The following RASA1 variants were observed in gnomAD, a reference collection of about 807,000 sequenced individuals.
The protein encoded by RASA1 is RAS p21 protein activator 1, also known as ras GTPase-activating protein 1.
In RASA1, 25 loss-of-function variants were observed where a neutral mutation model predicts 132.2. The ratio of observed to expected loss-of-function variants is 0.19; its 90% confidence interval spans 0.14 to 0.26. RASA1 has a LOEUF of 0.26. Ranked by LOEUF, RASA1 falls within the 10% of genes least tolerant of loss-of-function variation. RASA1 has a pLI of 1.00. For synonymous variants in RASA1, 477 were observed against 449.9 expected, an observed-to-expected ratio of 1.06 and a Z score of -0.76; for missense variants, 964 against 1,299.2, an observed-to-expected ratio of 0.74 and a Z score of 3.97.
intron 9 of RASA1, among the ~76,000 whole-genome samples, chr5:87,355,737 A>G (rs1345417774): frequency 6.6e-6 from 1 of 152,270 alleles, no homozygotes; most frequent in East Asian, 1.9e-4. Context: ...CCCTTTGGAA[A>G]GGATTTATCA....
At chr5:87,309,868 C>T (rs1011275018) in intron 1 of RASA1, among the ~76,000 whole-genome samples, 18 of 152,036 alleles carry the variant, frequency 1.2e-4, no homozygotes, top group Admixed American at 1.2e-3. Context: ...AAGCATCTTA[C>T]TGAATGTTGT....
At chr5:87,363,650 A>G in intron 11 of RASA1, 146 bp downstream of exon 11, 1 of 805,840 alleles carries the variant, frequency 1.2e-6, no homozygotes, top group Non-Finnish European at 2.0e-6. Flanking sequence ...TCCTTGCTTA[A>G]TTGTAGACTA....
intron 1 of RASA1, among the ~76,000 whole-genome samples, chr5:87,290,329 A>C (rs1194834801): frequency 6.6e-6 from 1 of 152,182 alleles, no homozygotes; most frequent in African/African-American, 2.4e-5. Context: ...CCCCTAGTTC[A>C]CTTTTTAAAA....
At chr5:87,288,230 A>G (rs1001279191) in intron 1 of RASA1, among the ~76,000 whole-genome samples, 16 of 150,624 alleles carry the variant, frequency 1.1e-4, no homozygotes, top group African/African-American at 3.9e-4. Flanking sequence ...CTCTCCATTT[A>G]CTATTTCTTC....
At position 87,269,097 on chromosome 5, in the gene RASA1, A is replaced by G. The variant is rs1753706601; in HGVS notation, c.539+107A>G. The stretch of plus-strand genomic sequence containing the variant: ...CCTTTTCATCTGTGGTTTGTTAGGA[A>G]AAGTTTTTGAAGTTTCAGGTTTCTT... On this transcript the variant is annotated intron_variant, in intron 1 of 24. Coordinates refer to ENST00000274376, the MANE Select transcript of RASA1 (RefSeq NM_002890.3). 1.9e-6 allele frequency: 3 copies of G among 1,613,698 alleles called. No homozygotes were observed. In the South Asian group the frequency reaches 3.3e-5, roughly 18 times the overall value.
intron 1 of RASA1, among the ~76,000 whole-genome samples, chr5:87,282,665 C>G (rs184389397): frequency 4.3e-4 from 65 of 152,216 alleles, no homozygotes; most frequent in Non-Finnish European, 7.1e-4. Context: ...CTTTGGGACT[C>G]CAGTGATACG....
chr5:87,319,421 A>G (rs541922078), intron 1 of RASA1, among the ~76,000 whole-genome samples: 1 of 152,252 alleles, frequency 6.6e-6, no homozygotes, highest in South Asian at 2.1e-4. Context: ...AGGCATTTCC[A>G]TACATCCTCT....
chr5:87,278,596 A>AT (rs1247164415), intron 1 of RASA1, among the ~76,000 whole-genome samples: 2 of 152,118 alleles, frequency 1.3e-5, no homozygotes, highest in Non-Finnish European at 2.9e-5. Flanking sequence ...TTGTTCATCC[A>AT]TTTTACCTCA....
intron 5 of RASA1, among the ~76,000 whole-genome samples, chr5:87,340,702 A>G (rs1813176): frequency 0.032 from 4,863 of 152,256 alleles, 162 homozygotes; most frequent in African/African-American, 0.074. Context: ...GTCTTACTGA[A>G]GAGGTAGCAT....
At chr5:87,356,481 C>T (rs1759659295) in intron 9 of RASA1, among the ~76,000 whole-genome samples, 1 of 151,870 alleles carries the variant, frequency 6.6e-6, no homozygotes, top group Admixed American at 6.6e-5. Context: ...CCTTGAGCTC[C>T]TGGGCTCAAG....
chr5:87,319,176 T>TA (rs1169246565), intron 1 of RASA1, among the ~76,000 whole-genome samples: 1 of 152,218 alleles, frequency 6.6e-6, no homozygotes, highest in Non-Finnish European at 1.5e-5. Context: ...ACAGCTGCTT[T>TA]AATGGGCTGG....
At chr5:87,296,318 G>C (rs530558059) in intron 1 of RASA1, among the ~76,000 whole-genome samples, 1 of 151,982 alleles carries the variant, frequency 6.6e-6, no homozygotes, top group Non-Finnish European at 1.5e-5. Context: ...ATAGGCATAC[G>C]CAAGCAGATA....
In RASA1 at chr5:87,390,879, G is replaced by C. The variant is rs1330650625; in HGVS notation, c.3140G>C (p.Arg1047Thr). Residue 1047 changes from arginine to threonine, a missense_variant, in exon 25 of 25, where the codon AGG becomes ACG. This residue lies in a region of RASA1 where 107 missense variants were observed against 163.8 expected (regional missense o/e 0.65). Coordinates refer to ENST00000274376, the MANE Select transcript of RASA1 (RefSeq NM_002890.3). The stretch of plus-strand genomic sequence containing the variant: ...CAGTATACAAAAACCAATGATGTCA[G>C]GTAGCAGCCTTCGCCCCAGTGTTCT... The part of the protein sequence containing the change: ...QNQYTKTNDV[R>T] 6.2e-6 allele frequency: 10 copies of C among 1,609,566 alleles called. No homozygotes were observed. The highest frequency in any genetic ancestry group is 1.1e-5 in the South Asian group (1 of 91,002).
chr5:87,388,888 T>C (rs1762255754), intron 23 of RASA1, among the ~76,000 whole-genome samples: 1 of 152,126 alleles, frequency 6.6e-6, no homozygotes. Context: ...GTTCTAGATT[T>C]TTTCAGATAC....
At chr5:87,360,321 T>A (rs1759988745) in intron 9 of RASA1, among the ~76,000 whole-genome samples, 1 of 152,098 alleles carries the variant, frequency 6.6e-6, no homozygotes, top group Admixed American at 6.5e-5. Flanking sequence ...AGACAGGGTT[T>A]CACCATGTCG....
rs1267488392 is a variant in RASA1 at position 87,391,120 on chromosome 5, T to C, written c.*237T>C. ...CACATGGAATCAATCTTTAACAACC[T>C]CTGAGCCTTGGTGTACAGACCACCT... On this transcript the variant is annotated 3_prime_UTR_variant, in exon 25 of 25. Coordinates refer to ENST00000274376, the MANE Select transcript of RASA1 (RefSeq NM_002890.3). The C allele has an allele frequency of 1.6e-6, 1 of 609,878 alleles. No homozygotes were observed. Among genetic ancestry groups the C allele is most frequent in the South Asian group, 1.9e-5 (1 of 51,922 alleles). The allele number at this position is 609,878 out of a possible 1,614,324, so 37.8% of individuals were successfully genotyped here. A position where few individuals can be genotyped will look rare whatever the true frequency, so the allele number is the denominator to read the frequency against.
chr5:87,351,485 G>C (rs2923744), intron 8 of RASA1, among the ~76,000 whole-genome samples: 151,752 of 151,780 alleles, frequency 1, 75,862 homozygotes, highest in Non-Finnish European at 1. Flanking sequence ...ATCTAGACTT[G>C]AAGAAGAAGA....
At chr5:87,359,579 T>C (rs1268038604) in intron 9 of RASA1, among the ~76,000 whole-genome samples, 1 of 152,194 alleles carries the variant, frequency 6.6e-6, no homozygotes, top group East Asian at 1.9e-4. Context: ...TTACATGTCT[T>C]AAATGACAGA....
chr5:87,310,537 G>A (rs1367013317), intron 1 of RASA1, among the ~76,000 whole-genome samples: 3 of 152,068 alleles, frequency 2.0e-5, no homozygotes, highest in African/African-American at 7.2e-5. Flanking sequence ...TAAAGAAGTA[G>A]GAAGGAATTA....
Sources: allele counts gnomAD v4.1 joint callset (sites outside exome capture counted in the v4.1 genomes callset), GRCh38; gene constraint gnomAD v4.1.1; regional missense constraint gnomAD v4.1.1; transcripts MANE v1.5; gene names NCBI Gene and HGNC (gene_info 2026-07-23, HGNC 2026-07-21).